OPHN1: variants seen among roughly 807,000 people sequenced by gnomAD.
The protein encoded by OPHN1 is oligophrenin-1.
Under a neutral mutation model 60.7 loss-of-function variants are expected in OPHN1, and 11 were observed. The observed-to-expected ratio is 0.18, with a 90% CI of 0.11 to 0.30. OPHN1 has a LOEUF of 0.30. Ranked by LOEUF, OPHN1 falls within the 10% of genes least tolerant of loss-of-function variation. OPHN1 has a pLI of 1.00. For missense variants in OPHN1, 449 were observed against 611.0 expected, an observed-to-expected ratio of 0.73 and a Z score of 2.80; for synonymous variants, 226 against 222.6, an observed-to-expected ratio of 1.02 and a Z score of -0.14.
At chrX:68,419,428 A>G (rs1282093231) in intron 2 of OPHN1, among the ~76,000 whole-genome samples, 2 of 111,025 alleles carry the variant, frequency 1.8e-5, no homozygotes, top group South Asian at 3.9e-4. Flanking sequence ...CAACATTCAC[A>G]GGTAACTTGG....
intron 2 of OPHN1, among the ~76,000 whole-genome samples, chrX:68,390,540 A>C (rs1267919402): frequency 8.9e-6 from 1 of 111,982 alleles, no homozygotes; most frequent in Non-Finnish European, 1.9e-5. Context: ...TCGAGGCTGC[A>C]GTCAGCAGAA....
At chrX:68,201,183 T>C (rs188504698) in intron 11 of OPHN1, among the ~76,000 whole-genome samples, 1 of 111,819 alleles carries the variant, frequency 8.9e-6, no homozygotes, top group Non-Finnish European at 1.9e-5. Context: ...GGGAAATGAC[T>C]TTCTAATAAC....
intron 15 of OPHN1, among the ~76,000 whole-genome samples, chrX:68,169,687 T>C (rs2077379625): frequency 9.1e-6 from 1 of 109,554 alleles, no homozygotes; most frequent in Non-Finnish European, 1.9e-5. Context: ...GGGAAAGGAT[T>C]CCCCGTTTAA....
At chrX:68,191,421 T>TGTC (rs1387946755) in intron 15 of OPHN1, among the ~76,000 whole-genome samples, 1 of 111,952 alleles carries the variant, frequency 8.9e-6, no homozygotes, top group African/African-American at 3.2e-5. Flanking sequence ...CATCAGATGA[T>TGTC]GTCTGGAACA....
At chrX:68,374,504 T>G (rs1392492275) in intron 2 of OPHN1, among the ~76,000 whole-genome samples, 1 of 110,816 alleles carries the variant, frequency 9.0e-6, no homozygotes, top group African/African-American at 3.3e-5. Flanking sequence ...CAGGCTGGAG[T>G]GCAGTGGCAT....
chrX:68,052,511 GT>G (rs755148118), intron 23 of OPHN1, 28 bp downstream of exon 23: 1 of 1,188,530 alleles, frequency 8.4e-7, no homozygotes, highest in African/African-American at 1.7e-5. Flanking sequence ...AGGCGATTTG[GT>G]TTTTCTTTTG....
intron 2 of OPHN1, among the ~76,000 whole-genome samples, chrX:68,426,911 CATACTT>C (rs2078862054): frequency 1.0e-5 from 1 of 95,900 alleles, no homozygotes; most frequent in Non-Finnish European, 2.1e-5. Flanking sequence ...AAAACAAAAA[CATACTT>C]ATAAAGCACA....
intron 2 of OPHN1, among the ~76,000 whole-genome samples, chrX:68,405,917 G>C (rs2077540069): frequency 9.0e-6 from 1 of 110,928 alleles, no homozygotes; most frequent in African/African-American, 3.3e-5. Context: ...GCTGGGGCAG[G>C]TGGATCACTT....
chrX:68,383,415 A>C (rs1255675315), intron 2 of OPHN1, among the ~76,000 whole-genome samples: 1 of 108,282 alleles, frequency 9.2e-6, no homozygotes, highest in Non-Finnish European at 1.9e-5. Flanking sequence ...AATATGGTGA[A>C]ACCCCGCCTC....
At chrX:68,227,525 A>G (rs2077701765) in intron 6 of OPHN1, among the ~76,000 whole-genome samples, 1 of 111,694 alleles carries the variant, frequency 9.0e-6, no homozygotes, top group African/African-American at 3.3e-5. Context: ...TCCTCAGCAC[A>G]TGTAAAAGAA....
chrX:68,160,612 C>G (rs2077330390), intron 15 of OPHN1, among the ~76,000 whole-genome samples: 1 of 111,077 alleles, frequency 9.0e-6, no homozygotes, highest in Admixed American at 9.6e-5. Context: ...AATTAGAAAT[C>G]AATAACAAAG....
At chrX:68,072,541 G>A (rs2076938585) in intron 20 of OPHN1, among the ~76,000 whole-genome samples, 1 of 111,518 alleles carries the variant, frequency 9.0e-6, no homozygotes, top group African/African-American at 3.3e-5. Flanking sequence ...TGTGTCAGAT[G>A]CTACTCACAA....
chrX:68,061,376 T>C (rs2076892381), intron 21 of OPHN1, among the ~76,000 whole-genome samples: 1 of 111,124 alleles, frequency 9.0e-6, no homozygotes, highest in South Asian at 3.8e-4. Context: ...GCTGAGTTAC[T>C]GTGTGCGCTG....
At chrX:68,152,191 A>T (rs1390890267) in intron 15 of OPHN1, among the ~76,000 whole-genome samples, 1 of 111,202 alleles carries the variant, frequency 9.0e-6, no homozygotes, top group Non-Finnish European at 1.9e-5. Flanking sequence ...GTGGCAACAA[A>T]CATCCAAACC....
intron 5 of OPHN1, among the ~76,000 whole-genome samples, chrX:68,251,477 C>T (rs1205167295): frequency 9.0e-6 from 1 of 110,639 alleles, no homozygotes; most frequent in African/African-American, 3.3e-5. Flanking sequence ...AGCCACCGCA[C>T]CTGGCCCCTC....
Position 68,433,486 on chromosome X carries a change from A to C in OPHN1, c.-323T>G. On this transcript the variant is annotated 5_prime_UTR_variant, in exon 1 of 25. Transcript: ENST00000355520. ...GGCTCCTCGCTCCGGAGCGAGCGGA[A>C]GACTTCCTTGGCCGAACTCCGCGGG... The C allele has an allele frequency of 3.7e-6, 1 of 270,482 alleles. No homozygotes were observed. The highest frequency in any genetic ancestry group is 5.4e-5 in the East Asian group (1 of 18,604). 22.3% of individuals were successfully genotyped at this position (270,482 alleles called of 1,213,427 possible).
At chrX:68,171,785 C>T (rs1316623740) in intron 15 of OPHN1, among the ~76,000 whole-genome samples, 1 of 110,483 alleles carries the variant, frequency 9.1e-6, no homozygotes, top group Non-Finnish European at 1.9e-5. Context: ...ACAGTCCAAT[C>T]AAAAAGTGGA....
At chrX:68,228,381 A>G (rs1006522857) in intron 6 of OPHN1, among the ~76,000 whole-genome samples, 2 of 111,399 alleles carry the variant, frequency 1.8e-5, no homozygotes, top group East Asian at 5.6e-4. Flanking sequence ...CCATAGAAAA[A>G]GAGGGAATCC....
chrX:68,079,391 T>C (rs1436952860), intron 19 of OPHN1, among the ~76,000 whole-genome samples: 2 of 112,139 alleles, frequency 1.8e-5, no homozygotes, highest in African/African-American at 6.5e-5. Flanking sequence ...GTTTTTACAA[T>C]GATCACCACT....
Sources: gnomAD v4.1 joint callset for allele counts (sites outside exome capture counted in the v4.1 genomes callset) on GRCh38, gnomAD v4.1.1 for gene constraint, MANE v1.5 for transcripts, NCBI Gene and HGNC (gene_info 2026-07-23, HGNC 2026-07-21) for gene names.